Variants in UBE2D4 observed in about 807,000 individuals in gnomAD.
The protein encoded by UBE2D4 is ubiquitin-conjugating enzyme E2 D4.
Under a neutral mutation model 23.0 loss-of-function variants are expected in UBE2D4, and 17 were observed. The observed-to-expected ratio is 0.74, with a 90% CI of 0.51 to 1.11. The LOEUF is 1.11. UBE2D4 is among the 50% of genes least tolerant of loss of function. The pLI, the probability that UBE2D4 is intolerant of heterozygous loss-of-function variation, is 0.00. For missense variants in UBE2D4, 139 were observed against 181.8 expected (o/e 0.76, Z 1.35); for synonymous variants, 61 against 69.4 (o/e 0.88, Z 0.60).
rs2096010849 is a variant in UBE2D4 at position 43,955,162 on chromosome 7, T to C, written c.*2467T>C. 1 of 152,110 alleles carries C rather than the reference T, an allele frequency of 6.6e-6. No homozygotes were observed. Among genetic ancestry groups the C allele is most frequent in the Admixed American group, 6.6e-5 (1 of 15,266 alleles). The allele number at this position is 152,110 out of a possible 1,614,324, so 9.4% of individuals were successfully genotyped here. A position where few individuals can be genotyped will look rare whatever the true frequency, so the allele number is the denominator to read the frequency against. ...CAGCCTGGAGAACAGGCTCCTTAGGTCAAAAACCTTGTTTTAAGAGCCACT... is the reference window on the plus strand; with the variant it reads ...CAGCCTGGAGAACAGGCTCCTTAGGCCAAAAACCTTGTTTTAAGAGCCACT... On this transcript the variant is annotated 3_prime_UTR_variant, in exon 7 of 7. Coordinates refer to ENST00000222402, the MANE Select transcript of UBE2D4 (RefSeq NM_015983.4).
Position 43,955,194 on chromosome 7 carries a change from C to T in UBE2D4, c.*2499C>T, listed in dbSNP as rs1245506900. ...CCTTGTTTTAAGAGCCACTGTGGTA[C>T]AGTCAATGTAACCCACTTGTGCAGA... On this transcript the variant is annotated 3_prime_UTR_variant, in exon 7 of 7. Coordinates refer to ENST00000222402, the MANE Select transcript of UBE2D4 (RefSeq NM_015983.4). The T allele has an allele frequency of 6.6e-6, 1 of 152,116 alleles. No individual in the cohort carries two copies. The highest frequency in any genetic ancestry group is 6.6e-5 in the Admixed American group (1 of 15,260). The allele number at this position is 152,116 out of a possible 1,614,324, so 9.4% of individuals were successfully genotyped here.
intron 6 of UBE2D4, chr7:43,951,827 GTTT>G (rs753843704): frequency 3.3e-5 from 5 of 152,086 alleles, no homozygotes; most frequent in Non-Finnish European, 7.4e-5. Flanking sequence ...TCAGCCACAT[GTTT>G]TTTTCAAATT....
chr7:43,952,235 AC>A, intron 6 of UBE2D4: 1 of 200,696 alleles, frequency 5.0e-6, no homozygotes, highest in Non-Finnish European at 1.0e-5. Context: ...ACTGATGCAC[AC>A]CCCGGTAGGC....
intron 1 of UBE2D4, among the ~76,000 whole-genome samples, chr7:43,927,044 C>G (rs939231244): frequency 2.0e-5 from 3 of 151,634 alleles, no homozygotes; most frequent in Non-Finnish European, 4.4e-5. Flanking sequence ...TCCTTAGGAG[C>G]AGTGCTGAAG....
At chr7:43,942,400 T>G (rs1480141560) in intron 2 of UBE2D4, 2 of 306,540 alleles carry the variant, frequency 6.5e-6, no homozygotes, top group East Asian at 7.8e-5. Flanking sequence ...CCTATGGGCA[T>G]TCAAATAAGT....
chr7:43,940,537 C>T (rs2095969397), intron 2 of UBE2D4, among the ~76,000 whole-genome samples: 1 of 152,184 alleles, frequency 6.6e-6, no homozygotes, highest in Admixed American at 6.6e-5. Context: ...AGGCTAGCCA[C>T]CACAGTCAGA....
chr7:43,944,837 T>G lies in UBE2D4; in HGVS notation c.198+1806T>G, dbSNP rs1585877216. 6.6e-6 allele frequency: 1 copy of G among 152,188 alleles called. No homozygotes were observed. The highest frequency in any genetic ancestry group is 1.5e-5 in the Non-Finnish European group (1 of 68,030). The allele number at this position is 152,188 out of a possible 1,614,324, so 9.4% of individuals were successfully genotyped here. On this transcript the variant is annotated intron_variant, in intron 4 of 6. Transcript: ENST00000222402. The surrounding 1 kb of genome is among the most constrained non-coding windows in gnomAD (Gnocchi z 4.0). The stretch of plus-strand genomic sequence containing the variant: ...ACTGTGGCAGAGTCTTATCAAGTAG[T>G]AATTTTCTAGCTTGTCTCTTTCATT...
chr7:43,952,778 AG>A lies in UBE2D4; in HGVS notation c.*84del, dbSNP rs2096005838. ...CCTTAAAACTTTGGGCTGTTGGCTG[AG>A]CCATTCAAAGAGCATCATCTGTTCT... On this transcript the variant is annotated 3_prime_UTR_variant, in exon 7 of 7. Transcript: ENST00000222402. 1.8e-6 allele frequency: 2 copies of A among 1,131,340 alleles called. No homozygotes were observed. Among genetic ancestry groups the A allele is most frequent in the Non-Finnish European group, 2.7e-6 (2 of 742,216 alleles). 70.1% of individuals were successfully genotyped at this position (1,131,340 alleles called of 1,614,324 possible).
intron 4 of UBE2D4, among the ~76,000 whole-genome samples, chr7:43,945,272 C>T (rs1441112454): frequency 1.3e-5 from 2 of 152,128 alleles, no homozygotes; most frequent in African/African-American, 2.4e-5. Context: ...GGATTACAGG[C>T]GTGAGCCACC....
intron 6 of UBE2D4, 132 bp downstream of exon 6, chr7:43,950,824 G>A: frequency 1.4e-6 from 1 of 718,738 alleles, no homozygotes; most frequent in South Asian, 1.7e-5. Context: ...TGAGCCATGT[G>A]CACAGAGGGT....
At position 43,954,243 on chromosome 7, in the gene UBE2D4, A is replaced by G. The variant is rs2096008805; in HGVS notation, c.*1548A>G. ...TCTTTGGGTGTGGCTGCATCTCACC[A>G]TGTTGAGGATTGCCTTTTTTTTTTT... On this transcript the variant is annotated 3_prime_UTR_variant, in exon 7 of 7. Transcript: ENST00000222402. 7.3e-6 allele frequency: 1 copy of G among 137,070 alleles called. No homozygotes were observed. Among genetic ancestry groups the G allele is most frequent in the Non-Finnish European group, 1.6e-5 (1 of 64,352 alleles). The allele number at this position is 137,070 out of a possible 1,614,324, so 8.5% of individuals were successfully genotyped here.
At position 43,948,880 on chromosome 7, in the gene UBE2D4, A is replaced by G. The variant is rs966826946; in HGVS notation, c.304+143A>G. 1.4e-5 allele frequency: 9 copies of G among 657,786 alleles called. No homozygotes were observed. In the African/African-American group the frequency reaches 1.6e-4, roughly 12 times the overall value. The allele number at this position is 657,786 out of a possible 1,614,324, so 40.7% of individuals were successfully genotyped here. A position where few individuals can be genotyped will look rare whatever the true frequency, so the allele number is the denominator to read the frequency against. ...TGTCCACTGCTGTGCCCTTAAGTGG[A>G]TATCCTTACACGCCTACGAGGCAGC... On this transcript the variant is annotated intron_variant, in intron 5 of 6. Transcript: ENST00000222402.
At chr7:43,948,784 T>C in intron 5 of UBE2D4, 47 bp downstream of exon 5, 1 of 1,431,568 alleles carries the variant, frequency 7.0e-7, no homozygotes, top group Non-Finnish European at 9.8e-7. Flanking sequence ...ACACATGTTT[T>C]TACCCCAGCA....
intron 4 of UBE2D4, among the ~76,000 whole-genome samples, chr7:43,948,036 G>T (rs189481442): frequency 6.6e-6 from 1 of 152,260 alleles, no homozygotes; most frequent in Non-Finnish European, 1.5e-5. Flanking sequence ...TTTTGATAGG[G>T]TTGTTTGATT....
At chr7:43,937,151 G>T (rs149574430) in intron 1 of UBE2D4, among the ~76,000 whole-genome samples, 76 of 152,320 alleles carry the variant, frequency 5.0e-4, no homozygotes, top group Middle Eastern at 3.4e-3. Context: ...GGAAAACCTT[G>T]TGAGGTGGAG....
chr7:43,932,415 GT>G (rs1387805989), intron 1 of UBE2D4, among the ~76,000 whole-genome samples: 2 of 152,208 alleles, frequency 1.3e-5, no homozygotes, highest in African/African-American at 4.8e-5. Context: ...TTTGACAAGA[GT>G]TTTGTGTGGG....
At chr7:43,938,554 G>A (rs2132766230) in intron 2 of UBE2D4, 60 bp downstream of exon 2, 2 of 1,545,272 alleles carry the variant, frequency 1.3e-6, no homozygotes, top group East Asian at 2.3e-5. Context: ...CCCCAACTTA[G>A]GCCAGGTGCG....
At chr7:43,949,267 A>G (rs978977823) in intron 5 of UBE2D4, 1 of 159,202 alleles carries the variant, frequency 6.3e-6, no homozygotes, top group Non-Finnish European at 1.4e-5. Flanking sequence ...TTCTGAATTA[A>G]GATGGGCTGT....
chr7:43,952,900 A>C lies in UBE2D4; in HGVS notation c.*205A>C. On this transcript the variant is annotated 3_prime_UTR_variant, in exon 7 of 7. Coordinates refer to ENST00000222402, the MANE Select transcript of UBE2D4 (RefSeq NM_015983.4). ...TGACAGTGCCACCTCTTTGATGCCAAATCAGCAACCATTGTTGTTATGATC... is the reference window on the plus strand; with the variant it reads ...TGACAGTGCCACCTCTTTGATGCCACATCAGCAACCATTGTTGTTATGATC... 1.9e-6 allele frequency: 1 copy of C among 528,712 alleles called. No individual in the cohort carries two copies. Among genetic ancestry groups the C allele is most frequent in the Non-Finnish European group, 3.5e-6 (1 of 287,414 alleles). The allele number at this position is 528,712 out of a possible 1,614,324, so 32.8% of individuals were successfully genotyped here.
Sources: gnomAD v4.1 joint callset for allele counts (sites outside exome capture counted in the v4.1 genomes callset) on GRCh38, gnomAD v4.1.1 for gene constraint, Gnocchi (gnomAD v3.1) non-coding constraint, MANE v1.5 for transcripts, NCBI Gene and HGNC (gene_info 2026-07-23, HGNC 2026-07-21) for gene names.